The following CNIH3 variants were observed in gnomAD, a reference collection of about 807,000 sequenced individuals.
CNIH3 encodes cornichon family AMPA receptor auxiliary protein 3.
Under a neutral mutation model 24.1 loss-of-function variants are expected in CNIH3, and 14 were observed. The ratio of observed to expected loss-of-function variants is 0.58; its 90% CI spans 0.38 to 0.91. The LOEUF is 0.91. Among genes scored for constraint, CNIH3 ranks in the 40% least tolerant of loss-of-function variants. CNIH3 has a pLI of 0.00. For synonymous variants in CNIH3, 68 were observed against 73.8 expected, an observed-to-expected ratio of 0.92 and a Z score of 0.40; for missense variants, 178 against 196.8, an observed-to-expected ratio of 0.90 and a Z score of 0.57.
intron 3 of CNIH3, among the ~76,000 whole-genome samples, chr1:224,556,951 A>G (rs1332182402): frequency 6.6e-6 from 1 of 152,180 alleles, no homozygotes; most frequent in East Asian, 1.9e-4. Flanking sequence ...CTCCTGGACT[A>G]CAAGGAGCAC....
chr1:224,578,880 G>T (rs932727276), intron 4 of CNIH3, among the ~76,000 whole-genome samples: 1 of 151,998 alleles, frequency 6.6e-6, no homozygotes, highest in Admixed American at 6.6e-5. Context: ...GAGTATTTTT[G>T]TGTTTTCATC....
At chr1:224,437,943 C>T (rs1174527199) in intron 1 of CNIH3, among the ~76,000 whole-genome samples, 22 of 143,748 alleles carry the variant, frequency 1.5e-4, no homozygotes, top group African/African-American at 4.7e-4. Flanking sequence ...GACAGAGTTT[C>T]GCTCTGTCGC....
intron 5 of CNIH3, among the ~76,000 whole-genome samples, chr1:224,587,914 C>G (rs180702189): frequency 1.6e-4 from 25 of 151,754 alleles, no homozygotes; most frequent in Non-Finnish European, 3.4e-4. Flanking sequence ...GTACTTCAGC[C>G]TGGGTGACAG....
chr1:224,723,042 G>A (rs1006407882), intron 3 of CNIH3, among the ~76,000 whole-genome samples: 1 of 152,184 alleles, frequency 6.6e-6, no homozygotes, highest in African/African-American at 2.4e-5. Context: ...TGGCGGTGAG[G>A]GCCCCAAGGG....
At chr1:224,596,950 C>T (rs147670436) in intron 3 of CNIH3, among the ~76,000 whole-genome samples, 1 of 152,122 alleles carries the variant, frequency 6.6e-6, no homozygotes. Context: ...GTCAGGAGGT[C>T]GAGATCAGCC....
intron 3 of CNIH3, among the ~76,000 whole-genome samples, chr1:224,553,030 A>G (rs1016176874): frequency 6.7e-6 from 1 of 150,322 alleles, no homozygotes; most frequent in African/African-American, 2.4e-5. Flanking sequence ...TCTCCCTTAG[A>G]TATTATGATT....
intron 1 of CNIH3, among the ~76,000 whole-genome samples, chr1:224,662,251 A>AT (rs1280177706): frequency 2.0e-5 from 3 of 152,188 alleles, no homozygotes; most frequent in African/African-American, 7.2e-5. Context: ...CCTTTCACTC[A>AT]TTTTTAGCAG....
intron 1 of CNIH3, among the ~76,000 whole-genome samples, chr1:224,438,031 G>C (rs1674741106): frequency 6.6e-6 from 1 of 151,516 alleles, no homozygotes; most frequent in South Asian, 2.1e-4. Flanking sequence ...TCCTGCTTCA[G>C]CCTCCCGAGT....
chr1:224,728,325 G>A (rs956100236), intron 3 of CNIH3, among the ~76,000 whole-genome samples: 5 of 152,160 alleles, frequency 3.3e-5, no homozygotes, highest in African/African-American at 1.2e-4. Flanking sequence ...GCCTTGGCTG[G>A]GGGTAGATAG....
rs572138691 is a variant in CNIH3 at position 224,450,006 on chromosome 1, A to G, written n.203+15144A>G. Among the ~76,000 whole-genome samples, 25 of 144,600 alleles carry G rather than the reference A, an allele frequency of 1.7e-4. No individual in the cohort carries two copies. The East Asian group carries it at 2.1e-3, about 12-fold the overall frequency. The allele number at this position is 144,600 out of a possible 152,430, so 94.9% of individuals were successfully genotyped here. ...ATACACATACACACATTATACACGC[A>G]CACACACACACACACACGCACACAC... On this transcript the variant is annotated intron_variant and non_coding_transcript_variant, in intron 1 of 5. Coordinates refer to the CNIH3 transcript ENST00000471578.
In CNIH3 at chr1:224,616,352, G is replaced by GGCA. The variant is rs1553275354; in HGVS notation, c.-815_-813dup. ...AGGCGGCGGCGGCGGCGGCGGCAGC[G>GGCA]GCAGCAGCAGGTGGAGCGAGCTACA... is the stretch of plus-strand genomic sequence containing the variant. On this transcript the variant is annotated 5_prime_UTR_variant, in exon 1 of 6. Transcript: ENST00000272133. The GGCA allele has an allele frequency of 2.1e-5, 12 of 562,254 alleles. No individual in the cohort carries two copies. In the African/African-American group the frequency reaches 2.5e-4, roughly 12 times the overall value. The allele number at this position is 562,254 out of a possible 1,614,324, so 34.8% of individuals were successfully genotyped here. A position where few individuals can be genotyped will look rare whatever the true frequency, so the allele number is the denominator to read the frequency against.
chr1:224,492,247 AGT>A (rs1248191092), intron 1 of CNIH3, among the ~76,000 whole-genome samples: 4 of 152,242 alleles, frequency 2.6e-5, no homozygotes, highest in Non-Finnish European at 5.9e-5. Flanking sequence ...GCAACAACAC[AGT>A]GTGTTTTTTT....
At chr1:224,698,215 A>G (rs1217219380) in intron 3 of CNIH3, among the ~76,000 whole-genome samples, 1 of 152,208 alleles carries the variant, frequency 6.6e-6, no homozygotes, top group Non-Finnish European at 1.5e-5. Flanking sequence ...AATAAGTTAA[A>G]TGTGCTATAC....
intron 4 of CNIH3, among the ~76,000 whole-genome samples, chr1:224,574,234 A>T (rs1231242496): frequency 3.3e-5 from 5 of 152,300 alleles, no homozygotes; most frequent in African/African-American, 1.2e-4. Context: ...CACGTCAGGT[A>T]CCTACTAGAA....
chr1:224,531,992 G>A (rs1211083802), intron 2 of CNIH3, among the ~76,000 whole-genome samples: 3 of 152,140 alleles, frequency 2.0e-5, no homozygotes, highest in Non-Finnish European at 4.4e-5. Flanking sequence ...CTCCATTGTG[G>A]GGCCTGTATT....
intron 3 of CNIH3, among the ~76,000 whole-genome samples, chr1:224,593,990 C>A (rs1681871078): frequency 6.6e-6 from 1 of 152,144 alleles, no homozygotes; most frequent in Non-Finnish European, 1.5e-5. Context: ...TTACCAACAG[C>A]TGGGAGAAGG....
At chr1:224,549,079 CATTATTACAAATA>C (rs1185992116) in intron 3 of CNIH3, among the ~76,000 whole-genome samples, 1 of 151,996 alleles carries the variant, frequency 6.6e-6, no homozygotes, top group African/African-American at 2.4e-5. Flanking sequence ...TTTGTGTACA[CATTATTACAAATA>C]ATTATTACAA....
intron 3 of CNIH3, among the ~76,000 whole-genome samples, chr1:224,700,182 T>G (rs1463549651): frequency 6.6e-6 from 1 of 152,174 alleles, no homozygotes; most frequent in Non-Finnish European, 1.5e-5. Flanking sequence ...ACCCCACGTC[T>G]TGTTTGCTAG....
At chr1:224,597,566 C>T (rs1054531268) in intron 3 of CNIH3, among the ~76,000 whole-genome samples, 4 of 152,218 alleles carry the variant, frequency 2.6e-5, no homozygotes, top group East Asian at 1.9e-4. Context: ...AGTATGGGGT[C>T]GGAGGGTACA....
Sources: allele counts gnomAD v4.1 joint callset (sites outside exome capture counted in the v4.1 genomes callset), GRCh38; gene constraint gnomAD v4.1.1; transcripts MANE v1.5; gene names NCBI Gene and HGNC (gene_info 2026-07-23, HGNC 2026-07-21).